PIK3CD: variants seen among roughly 807,000 people sequenced by gnomAD.
PIK3CD encodes phosphatidylinositol-4,5-bisphosphate 3-kinase catalytic subunit delta.
In PIK3CD, 20 loss-of-function variants were observed where a neutral mutation model predicts 122.9. That is an observed-to-expected ratio of 0.16 (90% CI 0.11 to 0.24). PIK3CD has a LOEUF of 0.24. Ranked by LOEUF, PIK3CD falls within the 10% of genes least tolerant of loss-of-function variation. The pLI is 1.00. For synonymous variants in PIK3CD, 596 were observed against 593.4 expected, an observed-to-expected ratio of 1.00 and a Z score of -0.06; for missense variants, 787 against 1,406.3, an observed-to-expected ratio of 0.56 and a Z score of 7.04.
intron 1 of PIK3CD, chr1:9,672,739 T>A (rs1645370385): frequency 6.6e-6 from 1 of 152,188 alleles, no homozygotes; most frequent in South Asian, 2.1e-4. Context: ...AAACGAATAG[T>A]TTAATAGCAC....
intron 2 of PIK3CD, among the ~76,000 whole-genome samples, chr1:9,703,724 A>C (rs1646733261): frequency 6.6e-6 from 1 of 152,180 alleles, no homozygotes; most frequent in Admixed American, 6.5e-5. Context: ...TTCTGCTCAG[A>C]AAGAGTATCA....
At chr1:9,627,792 C>T in the PIK3CD span, among the ~76,000 whole-genome samples, 1 of 152,156 alleles carries the variant, frequency 6.6e-6, no homozygotes, top group East Asian at 1.9e-4. Flanking sequence ...ATGACTGCTG[C>T]CCAAAGGCAG....
chr1:9,640,936 A>G, the PIK3CD span, among the ~76,000 whole-genome samples: 1 of 152,060 alleles, frequency 6.6e-6, no homozygotes, highest in African/African-American at 2.4e-5. Context: ...CTGGCCTTCG[A>G]GACCCACGCG....
At chr1:9,664,345 A>C (rs1259501984) in intron 1 of PIK3CD, among the ~76,000 whole-genome samples, 1 of 152,122 alleles carries the variant, frequency 6.6e-6, no homozygotes, top group Non-Finnish European at 1.5e-5. Context: ...CACTGCACCC[A>C]GCCTACCCTC....
intron 1 of PIK3CD, chr1:9,687,442 C>CT (rs1381268778): frequency 6.6e-6 from 1 of 152,420 alleles, no homozygotes; most frequent in African/African-American, 2.4e-5. Context: ...AATCCCCGCC[C>CT]TGGGGGGGTC....
chr1:9,710,464 T>G lies in PIK3CD; in HGVS notation c.9T>G (p.Pro3=). 1 of 1,614,140 alleles carries G rather than the reference T, an allele frequency of 6.2e-7. No individual in the cohort carries two copies. The highest frequency in any genetic ancestry group is 2.2e-5 in the East Asian group (1 of 44,892). The part of the protein sequence containing the change: MP[P]GVDCPMEFWT... The stretch of plus-strand genomic sequence containing the variant: ...GGAAGTAACAACGCAGGATGCCCCC[T>G]GGGGTGGACTGCCCCATGGAATTCT... The change falls in exon 3 of 24, where the codon CCT becomes CCG. Residue 3 remains proline, a synonymous_variant. Coordinates refer to ENST00000377346, the MANE Select transcript of PIK3CD (RefSeq NM_005026.5). The surrounding 1 kb of genome is among the most constrained non-coding windows in gnomAD (Gnocchi z 4.7).
chr1:9,632,771 TTCTAG>T, the PIK3CD span, among the ~76,000 whole-genome samples: 1 of 152,022 alleles, frequency 6.6e-6, no homozygotes, highest in African/African-American at 2.4e-5. Context: ...TCTAGATCCC[TTCTAG>T]TCTAGAGCCT....
chr1:9,717,215 C>G lies in PIK3CD; in HGVS notation c.930+107C>G. On this transcript the variant is annotated intron_variant, in intron 7 of 23. Transcript: ENST00000377346. The surrounding 1 kb of genome is among the most constrained non-coding windows in gnomAD (Gnocchi z 5.4). The stretch of plus-strand genomic sequence containing the variant: ...GTCCAGGGGCCCTTGGTATGGAGAG[C>G]TGGGGCTTTGAGCTGGGGAAGCCAA... 2 of 1,413,552 alleles carry G rather than the reference C, an allele frequency of 1.4e-6. No individual in the cohort carries two copies. The highest frequency in any genetic ancestry group is 2.0e-6 in the Non-Finnish European group (2 of 1,008,016). 87.6% of individuals were successfully genotyped at this position (1,413,552 alleles called of 1,614,324 possible).
the PIK3CD span, among the ~76,000 whole-genome samples, chr1:9,646,590 G>A: frequency 1.3e-5 from 2 of 152,192 alleles, no homozygotes; most frequent in African/African-American, 4.8e-5. Flanking sequence ...AGACTCTTCT[G>A]GTGTCTCCGA....
Position 9,710,201 on chromosome 1 carries a change from G to A in PIK3CD, c.-32-223G>A. ...TGGGGAGGACATGCAGTGTCTGCCT[G>A]GGAGAAGAGGCAGCTGAGGCCGTGG... is the stretch of plus-strand genomic sequence containing the variant. On this transcript the variant is annotated intron_variant, in intron 2 of 23. Transcript: ENST00000377346. The surrounding 1 kb of genome is among the most constrained non-coding windows in gnomAD (Gnocchi z 4.7). 1.9e-6 allele frequency: 1 copy of A among 522,250 alleles called. No homozygotes were observed. Among genetic ancestry groups the A allele is most frequent in the South Asian group, 2.0e-5 (1 of 51,114 alleles). The allele number at this position is 522,250 out of a possible 1,614,324, so 32.4% of individuals were successfully genotyped here.
rs1298704258 is a variant in PIK3CD at position 9,710,558 on chromosome 1, CCT to C, written c.104_105del (p.Pro35ArgfsTer21). ...LLPTGVYLNFPVSRNANLSTI... is the reference protein window; with the variant it reads ...LLPTGVYLNFXVSRNANLSTI... Reference sequence around the variant, plus strand: ...GCCCACAGGGGTCTACCTGAACTTCCCTGTGTCCCGCAATGCCAACCTCAGCA... The same window carrying C: ...GCCCACAGGGGTCTACCTGAACTTCCGTGTCCCGCAATGCCAACCTCAGCA... On this transcript the variant is annotated frameshift_variant, in exon 3 of 24. Transcript: ENST00000377346. LOFTEE classifies it high-confidence loss of function. The surrounding 1 kb of genome is among the most constrained non-coding windows in gnomAD (Gnocchi z 4.7). The C allele has an allele frequency of 6.2e-7, 1 of 1,614,028 alleles. No homozygotes were observed. Among genetic ancestry groups the C allele is most frequent in the Middle Eastern group, 1.6e-4 (1 of 6,062 alleles).
chr1:9,672,648 A>C (rs1645367279), intron 1 of PIK3CD: 1 of 152,158 alleles, frequency 6.6e-6, no homozygotes, highest in African/African-American at 2.4e-5. Context: ...CTGGTCTCCA[A>C]CTTCTGGGCT....
intron 3 of PIK3CD, among the ~76,000 whole-genome samples, chr1:9,713,390 G>A (rs1647133254): frequency 6.6e-6 from 1 of 152,038 alleles, no homozygotes; most frequent in African/African-American, 2.4e-5. Flanking sequence ...AAAAATAAAT[G>A]TAGGAAAAGT....
At chr1:9,666,446 TG>T (rs748247338) in intron 1 of PIK3CD, among the ~76,000 whole-genome samples, 13 of 151,754 alleles carry the variant, frequency 8.6e-5, no homozygotes, top group South Asian at 8.3e-4. Context: ...TTGGCCAGGC[TG>T]GTCTTGAACT....
At chr1:9,647,368 T>C (rs1644618308), upstream of PIK3CD, among the ~76,000 whole-genome samples, 1 of 151,998 alleles carries the variant, frequency 6.6e-6, no homozygotes, top group Admixed American at 6.6e-5. Flanking sequence ...CACTCCAGCC[T>C]GAGTGACAGA....
chr1:9,678,406 A>G (rs550315068), intron 1 of PIK3CD, among the ~76,000 whole-genome samples: 38 of 152,206 alleles, frequency 2.5e-4, no homozygotes, highest in Non-Finnish European at 5.3e-4. Context: ...CCATGAGCCT[A>G]TTATGGCATT....
chr1:9,721,954 G>T, intron 16 of PIK3CD, 21 bp from the exon 17 acceptor site: 3 of 1,613,166 alleles, frequency 1.9e-6, no homozygotes, highest in Non-Finnish European at 2.5e-6. Flanking sequence ...GCCCACCGCC[G>T]CCCTCCCATC....
intron 3 of PIK3CD, among the ~76,000 whole-genome samples, chr1:9,712,240 T>C (rs1419880573): frequency 1.3e-5 from 2 of 152,178 alleles, no homozygotes; most frequent in Admixed American, 1.3e-4. Context: ...TGCCTTGGGC[T>C]GTGGGAGGGC....
intron 1 of PIK3CD, among the ~76,000 whole-genome samples, chr1:9,661,821 C>A (rs967759790): frequency 6.6e-6 from 1 of 152,046 alleles, no homozygotes; most frequent in African/African-American, 2.4e-5. Context: ...ACGGTGAAAC[C>A]CTGTCTCTAT....
Sources: allele counts gnomAD v4.1 joint callset (sites outside exome capture counted in the v4.1 genomes callset), GRCh38; gene constraint gnomAD v4.1.1; non-coding constraint Gnocchi (gnomAD v3.1); transcripts MANE v1.5; gene names NCBI Gene and HGNC (gene_info 2026-07-23, HGNC 2026-07-21).